ROBO1: variants seen among roughly 807,000 people sequenced by gnomAD.
The protein encoded by ROBO1 is roundabout homolog 1.
Under a neutral mutation model 195.9 loss-of-function variants are expected in ROBO1, and 149 were observed. The ratio of observed to expected loss-of-function variants is 0.76; its 90% confidence interval spans 0.67 to 0.87. The LOEUF (loss-of-function observed/expected upper bound fraction) is 0.87, where lower values mean the gene tolerates loss of function less well. ROBO1 is among the 40% of genes least tolerant of loss of function. The probability of loss-of-function intolerance (pLI) is 0.00; values close to 1 mark genes in which losing one functional copy is unlikely to be tolerated. For synonymous variants in ROBO1, 816 were observed against 733.2 expected, an observed-to-expected ratio of 1.11 and a Z score of -1.82; for missense variants, 1,933 against 2,068.3, an observed-to-expected ratio of 0.93 and a Z score of 1.27.
intron 2 of ROBO1, among the ~76,000 whole-genome samples, chr3:79,324,326 G>A (rs1480215999): frequency 1.3e-5 from 2 of 152,156 alleles, no homozygotes; most frequent in African/African-American, 4.8e-5. Context: ...CAGCAAATTA[G>A]AGAGAAGTTT....
chr3:78,994,697 C>A (rs1439427142), intron 3 of ROBO1, among the ~76,000 whole-genome samples: 2 of 152,146 alleles, frequency 1.3e-5, no homozygotes, highest in African/African-American at 4.8e-5. Context: ...ACAAGAGTTT[C>A]TTTGTTTGTG....
chr3:79,001,468 C>T (rs979378147), intron 3 of ROBO1, among the ~76,000 whole-genome samples: 4 of 151,968 alleles, frequency 2.6e-5, no homozygotes, highest in South Asian at 2.1e-4. Context: ...CAAACCGTAT[C>T]GTGAACTTTG....
chr3:79,082,345 T>C (rs1179524913), intron 3 of ROBO1, among the ~76,000 whole-genome samples: 1 of 152,100 alleles, frequency 6.6e-6, no homozygotes. Flanking sequence ...ATGATACTCA[T>C]TAAAGGTTGA....
rs150422237 is a variant in ROBO1 at position 79,363,424 on chromosome 3, C to T, written c.88+226400G>A. Among the ~76,000 whole-genome samples, 487 of 152,220 alleles carry T rather than the reference C, an allele frequency of 3.2e-3. 3 individuals carry two copies. Among genetic ancestry groups the T allele is most frequent in the African/African-American group, 0.011 (450 of 41,544 alleles). Reference sequence around the variant, plus strand: ...ATAGGTTTAAATTATTTTTCATTTTCTTATTTATGATACCAGGATTTTAAA... The same window carrying T: ...ATAGGTTTAAATTATTTTTCATTTTTTTATTTATGATACCAGGATTTTAAA... On this transcript the variant is annotated intron_variant, in intron 2 of 30. Coordinates refer to ENST00000464233, the MANE Select transcript of ROBO1 (RefSeq NM_002941.4).
In ROBO1 at chr3:79,631,578, A is replaced by G. The variant is rs1945343182; in HGVS notation, c.-50-41617T>C. Among the ~76,000 whole-genome samples, 5 of 152,106 alleles carry G rather than the reference A, an allele frequency of 3.3e-5. 1 individual carries two copies. In the South Asian group the frequency reaches 1.0e-3, roughly 31 times the overall value. ...AACTCTTCTGGACATGGACCCAGGCAAAAAATTTATGACTTGGCCTCAAAG... is the reference window on the plus strand; with the variant it reads ...AACTCTTCTGGACATGGACCCAGGCGAAAAATTTATGACTTGGCCTCAAAG... On this transcript the variant is annotated intron_variant, in intron 1 of 30. Coordinates refer to ENST00000464233, the MANE Select transcript of ROBO1 (RefSeq NM_002941.4).
chr3:78,693,896 A>G (rs1392430737), intron 8 of ROBO1, among the ~76,000 whole-genome samples: 1 of 152,208 alleles, frequency 6.6e-6, no homozygotes, highest in African/African-American at 2.4e-5. Flanking sequence ...GGAGCTGGTT[A>G]AAATACAGAT....
At chr3:78,665,932 T>C (rs11929198) in intron 14 of ROBO1, among the ~76,000 whole-genome samples, 3,054 of 152,126 alleles carry the variant, frequency 0.02, 101 homozygotes, top group African/African-American at 0.068. Context: ...GGCTGTGTCC[T>C]CACCCAAATC....
chr3:78,989,649 T>C (rs577686649), intron 3 of ROBO1, among the ~76,000 whole-genome samples: 394 of 152,138 alleles, frequency 2.6e-3, no homozygotes, highest in Non-Finnish European at 4.5e-3. Flanking sequence ...AGAAATTAAC[T>C]ATTTTTAACA....
At chr3:78,951,767 G>T (rs2040805788) in intron 3 of ROBO1, among the ~76,000 whole-genome samples, 1 of 152,042 alleles carries the variant, frequency 6.6e-6, no homozygotes, top group East Asian at 1.9e-4. Flanking sequence ...GCTGGAAAAA[G>T]ATATACACGT....
chr3:79,301,216 G>GA (rs1199687721), intron 2 of ROBO1, among the ~76,000 whole-genome samples: 14 of 152,052 alleles, frequency 9.2e-5, no homozygotes, highest in Admixed American at 8.5e-4. Context: ...CCCACCAGAA[G>GA]AAAAAAACTC....
At chr3:78,646,295 C>T in intron 20 of ROBO1, 105 bp from the exon 21 acceptor site, 1 of 977,324 alleles carries the variant, frequency 1.0e-6, no homozygotes, top group Non-Finnish European at 1.5e-6. Context: ...CTTCTGTCTT[C>T]CTAGACAGAA....
chr3:78,981,112 T>A (rs1430669527), intron 3 of ROBO1, among the ~76,000 whole-genome samples: 1 of 152,132 alleles, frequency 6.6e-6, no homozygotes, highest in East Asian at 1.9e-4. Context: ...TTTAAAAAAA[T>A]TCGACTTTCC....
intron 1 of ROBO1, among the ~76,000 whole-genome samples, chr3:79,700,143 A>G (rs569815297): frequency 6.6e-6 from 1 of 151,796 alleles, no homozygotes; most frequent in Non-Finnish European, 1.5e-5. Context: ...AGCTGCATCC[A>G]TGTTGCTGCA....
At chr3:79,103,757 T>C (rs2079723479) in intron 3 of ROBO1, among the ~76,000 whole-genome samples, 1 of 151,758 alleles carries the variant, frequency 6.6e-6, no homozygotes, top group African/African-American at 2.4e-5. Flanking sequence ...TATACATATA[T>C]ATGCTAATTG....
At chr3:79,620,537 T>A (rs1345045955) in intron 1 of ROBO1, among the ~76,000 whole-genome samples, 1 of 151,848 alleles carries the variant, frequency 6.6e-6, no homozygotes, top group Non-Finnish European at 1.5e-5. Flanking sequence ...TTATACTCTC[T>A]TTTTTAGTTG....
intron 2 of ROBO1, among the ~76,000 whole-genome samples, chr3:79,168,839 C>T (rs1047232171): frequency 1.1e-4 from 16 of 152,014 alleles, no homozygotes; most frequent in African/African-American, 3.1e-4. Flanking sequence ...ATTATTTATA[C>T]AAATAATTAA....
At chr3:79,034,690 G>T (rs2078353286) in intron 3 of ROBO1, among the ~76,000 whole-genome samples, 1 of 151,986 alleles carries the variant, frequency 6.6e-6, no homozygotes, top group Non-Finnish European at 1.5e-5. Flanking sequence ...TAATAACTGG[G>T]AGCTACTTGA....
At chr3:78,771,767 T>C (rs2083381588) in intron 4 of ROBO1, among the ~76,000 whole-genome samples, 1 of 152,194 alleles carries the variant, frequency 6.6e-6, no homozygotes, top group Admixed American at 6.6e-5. Context: ...TACTCATTTA[T>C]CAGTTCCAGG....
intron 4 of ROBO1, among the ~76,000 whole-genome samples, chr3:78,919,489 T>C (rs1053793264): frequency 6.6e-6 from 1 of 152,226 alleles, no homozygotes; most frequent in South Asian, 2.1e-4. Context: ...GGAAATAGTA[T>C]GTGCTAACAC....
Sources: gnomAD v4.1 joint callset for allele counts (sites outside exome capture counted in the v4.1 genomes callset) on GRCh38, gnomAD v4.1.1 for gene constraint, MANE v1.5 for transcripts, NCBI Gene and HGNC (gene_info 2026-07-23, HGNC 2026-07-21) for gene names.